The following CFAP58 variants were observed in gnomAD, a reference collection of about 807,000 sequenced individuals.
CFAP58 encodes the protein cilia and flagella associated protein 58, also known as cilia- and flagella-associated protein 58.
In CFAP58, 88 loss-of-function variants were observed where a neutral mutation model predicts 119.5. The observed-to-expected ratio is 0.74, with a 90% confidence interval of 0.62 to 0.88. The LOEUF (loss-of-function observed/expected upper bound fraction) is 0.88, where lower values mean the gene tolerates loss of function less well. CFAP58 is among the 40% of genes least tolerant of loss of function. The pLI is 0.00. For synonymous variants in CFAP58, 365 were observed against 366.3 expected (o/e 1.00, Z 0.04); for missense variants, 990 against 1,021.2 (o/e 0.97, Z 0.42).
At chr10:104,371,544 C>T (rs74568175) in intron 7 of CFAP58, among the ~76,000 whole-genome samples, 2,210 of 152,226 alleles carry the variant, frequency 0.015, 46 homozygotes, top group African/African-American at 0.051. Context: ...CCGTTATAAC[C>T]GACCTGTGAA....
At chr10:104,389,058 C>G (rs190349444) in intron 9 of CFAP58, among the ~76,000 whole-genome samples, 1 of 152,196 alleles carries the variant, frequency 6.6e-6, no homozygotes. Context: ...CATACCACTT[C>G]TAATGGGGAC....
chr10:104,407,860 C>A (rs1381320362), intron 15 of CFAP58, among the ~76,000 whole-genome samples: 1 of 152,062 alleles, frequency 6.6e-6, no homozygotes, highest in African/African-American at 2.4e-5. Context: ...CCATGCCTGG[C>A]TAATTTTTGT....
chr10:104,349,112 G>A (rs1218881555), upstream of CFAP58, among the ~76,000 whole-genome samples: 1 of 152,126 alleles, frequency 6.6e-6, no homozygotes, highest in Non-Finnish European at 1.5e-5. Flanking sequence ...GCTGGGTGTG[G>A]TGGTGTGCAC....
chr10:104,418,811 A>G (rs1280197583), intron 15 of CFAP58, among the ~76,000 whole-genome samples: 1 of 152,176 alleles, frequency 6.6e-6, no homozygotes, highest in Admixed American at 6.5e-5. Flanking sequence ...TTATTAGTGG[A>G]TAACTCAGTG....
intron 7 of CFAP58, 38 bp from the exon 8 acceptor site, chr10:104,376,773 T>C: frequency 3.2e-6 from 5 of 1,540,936 alleles, no homozygotes; most frequent in Non-Finnish European, 4.5e-6. Context: ...TTAGGTCGAC[T>C]CTACGTTTAT....
At position 104,358,463 on chromosome 10, in the gene CFAP58, G is replaced by A; in HGVS notation, c.132G>A (p.Glu44=). Residue 44 remains glutamate, a synonymous_variant, in exon 2 of 18, where the codon GAG becomes GAA. Coordinates refer to ENST00000369704, the MANE Select transcript of CFAP58 (RefSeq NM_001008723.2). ...TGGAAAAATTTCGGATTGAATATGA[G>A]AGGCTTCATGCTGTCATGAAAAAGT... ...KSLEKFRIEY[E]RLHAVMKKSY... 1 of 1,614,032 alleles carries A rather than the reference G, an allele frequency of 6.2e-7. No individual in the cohort carries two copies. Among genetic ancestry groups the A allele is most frequent in the Non-Finnish European group, 8.5e-7 (1 of 1,180,018 alleles).
At chr10:104,362,247 C>T in intron 3 of CFAP58, 76 bp downstream of exon 3, 1 of 1,294,586 alleles carries the variant, frequency 7.7e-7, no homozygotes, top group Non-Finnish European at 1.0e-6. Context: ...CTGGGGCTTG[C>T]CAGTGTCTTC....
chr10:104,445,617 G>A (rs552151957), intron 15 of CFAP58, among the ~76,000 whole-genome samples: 1 of 152,206 alleles, frequency 6.6e-6, no homozygotes, highest in Non-Finnish European at 1.5e-5. Flanking sequence ...ATGGAATTTT[G>A]TAGCTCAATT....
rs144251363 is a variant in CFAP58 at position 104,447,582 on chromosome 10, G to A, written c.2257-116G>A. 2.0e-3 allele frequency: 2,444 copies of A among 1,231,150 alleles called. 34 individuals carry two copies. In the East Asian group the frequency reaches 0.028, roughly 14 times the overall value. 76.3% of individuals were successfully genotyped at this position (1,231,150 alleles called of 1,614,324 possible). A position where few individuals can be genotyped will look rare whatever the true frequency, so the allele number is the denominator to read the frequency against. On this transcript the variant is annotated intron_variant, in intron 15 of 17. Transcript: ENST00000369704. ...GAATCTGTGAGTGAATGTGATCACTGTGGAGCTGTGAAGTAGCTTGGGCCA... is the reference window on the plus strand; with the variant it reads ...GAATCTGTGAGTGAATGTGATCACTATGGAGCTGTGAAGTAGCTTGGGCCA...
Position 104,355,690 on chromosome 10 carries a change from A to T in CFAP58, c.9+1784A>T, listed in dbSNP as rs561726658. 3.8e-4 allele frequency among the ~76,000 whole-genome samples: 58 copies of T among 152,344 alleles called. No individual in the cohort carries two copies. The East Asian group carries it at 0.01, about 27-fold the overall frequency. On this transcript the variant is annotated intron_variant, in intron 1 of 17. Coordinates refer to ENST00000369704, the MANE Select transcript of CFAP58 (RefSeq NM_001008723.2). ...AAAGAAATGCCACAGTTCCTTTCTG[A>T]TCAGTTCACGTTGATTTCATCCTTC...
At chr10:104,352,661 CA>C (rs1186381372), upstream of CFAP58, among the ~76,000 whole-genome samples, 21 of 152,302 alleles carry the variant, frequency 1.4e-4, no homozygotes, top group Admixed American at 1.2e-3. Context: ...GGAATTTGCA[CA>C]GAGGTCCTTA....
chr10:104,437,238 T>C (rs1304983826), intron 15 of CFAP58, among the ~76,000 whole-genome samples: 4 of 152,244 alleles, frequency 2.6e-5, no homozygotes, highest in African/African-American at 9.6e-5. Flanking sequence ...TGGCATATTC[T>C]TAATACCTGA....
chr10:104,354,749 C>A (rs1263174535), intron 1 of CFAP58, among the ~76,000 whole-genome samples: 1 of 152,174 alleles, frequency 6.6e-6, no homozygotes, highest in Admixed American at 6.5e-5. Flanking sequence ...AAAGTCTCTT[C>A]AAAAATTACA....
chr10:104,362,994 T>G (rs768718566), intron 3 of CFAP58, among the ~76,000 whole-genome samples: 6 of 152,310 alleles, frequency 3.9e-5, no homozygotes, highest in South Asian at 2.1e-4. Flanking sequence ...GTGCCTTGTC[T>G]TCCATTCTCC....
chr10:104,405,253 T>C (rs1200047577), intron 14 of CFAP58, among the ~76,000 whole-genome samples: 1 of 152,228 alleles, frequency 6.6e-6, no homozygotes, highest in Non-Finnish European at 1.5e-5. Flanking sequence ...CAATAGCATC[T>C]CTCTTTTTCT....
intron 15 of CFAP58, among the ~76,000 whole-genome samples, chr10:104,425,161 A>C (rs1368968366): frequency 6.6e-6 from 1 of 152,192 alleles, no homozygotes; most frequent in African/African-American, 2.4e-5. Flanking sequence ...GAGTAACTAC[A>C]TATGATGGTG....
At chr10:104,372,490 G>A (rs2014837677) in intron 7 of CFAP58, among the ~76,000 whole-genome samples, 1 of 152,162 alleles carries the variant, frequency 6.6e-6, no homozygotes, top group Non-Finnish European at 1.5e-5. Context: ...CAGTTTCTCT[G>A]TTCATGCATT....
At chr10:104,363,498 G>T (rs1223594551) in intron 3 of CFAP58, among the ~76,000 whole-genome samples, 2 of 152,180 alleles carry the variant, frequency 1.3e-5, no homozygotes, top group Non-Finnish European at 2.9e-5. Flanking sequence ...TGTAGTGTGG[G>T]CTTTATCTTC....
At chr10:104,430,029 T>C (rs1244276492) in intron 15 of CFAP58, among the ~76,000 whole-genome samples, 1 of 152,110 alleles carries the variant, frequency 6.6e-6, no homozygotes, top group Non-Finnish European at 1.5e-5. Flanking sequence ...GAGGGGTGGA[T>C]AGATGGGCAG....
Sources: allele counts gnomAD v4.1 joint callset (sites outside exome capture counted in the v4.1 genomes callset), GRCh38; gene constraint gnomAD v4.1.1; transcripts MANE v1.5; gene names NCBI Gene and HGNC (gene_info 2026-07-23, HGNC 2026-07-21).